Variants in TMTC1 observed in about 807,000 individuals in gnomAD.
TMTC1 encodes the protein protein O-mannosyl-transferase TMTC1.
A neutral mutation model predicts 104.8 loss-of-function variants in TMTC1; 73 were observed. The observed-to-expected ratio is 0.70, with a 90% CI of 0.58 to 0.85. TMTC1 has a LOEUF of 0.85. TMTC1 is among the 40% of genes least tolerant of loss of function. TMTC1 has a pLI of 0.00. For missense variants in TMTC1, 1,035 were observed against 1,096.1 expected (o/e 0.94, Z 0.79); for synonymous variants, 434 against 428.7 (o/e 1.01, Z -0.15).
At chr12:29,671,298 T>TTAAATAAATAAA (rs66951742) in intron 5 of TMTC1, among the ~76,000 whole-genome samples, 18 of 143,546 alleles carry the variant, frequency 1.3e-4, no homozygotes, top group Admixed American at 2.8e-4. Flanking sequence ...AGACTCCATC[T>TTAAATAAATAAA]TAAATAAATA....
At chr12:29,734,505 A>C (rs1221935591) in intron 5 of TMTC1, among the ~76,000 whole-genome samples, 1 of 152,240 alleles carries the variant, frequency 6.6e-6, no homozygotes, top group African/African-American at 2.4e-5. Context: ...ACCTGTGTCC[A>C]TAAGCCAGAC....
At position 29,514,610 on chromosome 12, in the gene TMTC1, G is replaced by A; in HGVS notation, c.2308-6C>T. Reference sequence around the variant, plus strand: ...TTGTCTATAGCATCAAGTGCCTGCAGAGGTTGGAAATTAAGACAGAATAAA... The same window carrying A: ...TTGTCTATAGCATCAAGTGCCTGCAAAGGTTGGAAATTAAGACAGAATAAA... On this transcript the variant is annotated splice_polypyrimidine_tract_variant and splice_region_variant and intron_variant, in intron 15 of 17. Coordinates refer to ENST00000539277, the MANE Select transcript of TMTC1 (RefSeq NM_001193451.2). The A allele has an allele frequency of 1.2e-6, 2 of 1,605,212 alleles. No homozygotes were observed. Among genetic ancestry groups the A allele is most frequent in the South Asian group, 2.2e-5 (2 of 89,748 alleles).
rs111390780 is a variant in TMTC1 at position 29,535,939 on chromosome 12, T to C, written c.1785+270A>G. The C allele has an allele frequency of 2.0e-3, 776 of 385,938 alleles. 9 individuals are homozygous for C. Among genetic ancestry groups the C allele is most frequent in the African/African-American group, 0.015 (714 of 46,804 alleles). 23.9% of individuals were successfully genotyped at this position (385,938 alleles called of 1,614,324 possible). ...GTGGTAATAAAAACATCAAATATCATGTATTGTTCTTGATAGATTCTGTAC... is the reference window on the plus strand; with the variant it reads ...GTGGTAATAAAAACATCAAATATCACGTATTGTTCTTGATAGATTCTGTAC... On this transcript the variant is annotated intron_variant, in intron 11 of 17. Coordinates refer to ENST00000539277, the MANE Select transcript of TMTC1 (RefSeq NM_001193451.2).
At chr12:29,745,723 C>T (rs1038199884) in intron 5 of TMTC1, among the ~76,000 whole-genome samples, 3 of 150,848 alleles carry the variant, frequency 2.0e-5, no homozygotes, top group South Asian at 2.1e-4. Context: ...TGTGTCTGAA[C>T]GACAGGACCC....
exon 18 of TMTC1, chr12:29,500,836 ATACT>A (rs2136111418): frequency 6.5e-6 from 1 of 152,770 alleles, no homozygotes; most frequent in East Asian, 1.9e-4. Flanking sequence ...GAAACCAGAC[ATACT>A]TATTTTAATC....
intron 1 of TMTC1, among the ~76,000 whole-genome samples, chr12:29,772,581 T>C (rs1371667487): frequency 6.6e-6 from 1 of 152,176 alleles, no homozygotes; most frequent in Admixed American, 6.6e-5. Flanking sequence ...CTGACCCTTT[T>C]AGCAATTTTC....
At chr12:29,768,479 C>T (rs1490375409) in intron 1 of TMTC1, among the ~76,000 whole-genome samples, 2 of 152,184 alleles carry the variant, frequency 1.3e-5, no homozygotes, top group Non-Finnish European at 2.9e-5. Flanking sequence ...GAGCCACATA[C>T]ACCGGAGATG....
chr12:29,645,235 T>C (rs1339537515), intron 5 of TMTC1, among the ~76,000 whole-genome samples: 1 of 152,222 alleles, frequency 6.6e-6, no homozygotes, highest in Admixed American at 6.5e-5. Flanking sequence ...CAATAAAAGA[T>C]ATCTGCTAGA....
At chr12:29,776,822 A>C (rs1943720255) in intron 1 of TMTC1, among the ~76,000 whole-genome samples, 1 of 152,230 alleles carries the variant, frequency 6.6e-6, no homozygotes, top group Non-Finnish European at 1.5e-5. Flanking sequence ...AAAGGTGGTG[A>C]GCACATAAGC....
chr12:29,511,984 CAG>C, intron 17 of TMTC1, 57 bp downstream of exon 17: 5 of 1,448,154 alleles, frequency 3.5e-6, no homozygotes, highest in Non-Finnish European at 4.9e-6. Context: ...AGAAAGAAGA[CAG>C]AGAGAGAAAA....
chr12:29,525,099 T>C (rs1396118733), intron 11 of TMTC1, among the ~76,000 whole-genome samples: 1 of 150,054 alleles, frequency 6.7e-6, no homozygotes, highest in Non-Finnish European at 1.5e-5. Context: ...AGTTGTGAGA[T>C]TATGAACCTA....
chr12:29,543,308 G>T (rs1325783924), intron 10 of TMTC1, among the ~76,000 whole-genome samples: 1 of 152,170 alleles, frequency 6.6e-6, no homozygotes, highest in East Asian at 1.9e-4. Flanking sequence ...TTTTCTTTTA[G>T]TAATTAAGTA....
In TMTC1 at chr12:29,616,187, AC is replaced by A. The variant is rs368136403; in HGVS notation, c.1129-11889del. On this transcript the variant is annotated intron_variant, in intron 6 of 17. Coordinates refer to ENST00000539277, the MANE Select transcript of TMTC1 (RefSeq NM_001193451.2). ...AACTGTAGAATCTTTATTTAGAGTA[AC>A]CTTACTTAATGGTCTGTATGATGCT... Among the ~76,000 whole-genome samples the A allele has an allele frequency of 1.7e-4, 26 of 152,336 alleles. No individual in the cohort carries two copies. In the East Asian group the frequency reaches 2.3e-3, roughly 14 times the overall value.
intron 5 of TMTC1, among the ~76,000 whole-genome samples, chr12:29,734,789 C>T (rs891930388): frequency 3.9e-5 from 6 of 152,076 alleles, no homozygotes; most frequent in African/African-American, 1.2e-4. Context: ...GAAGCTGTTA[C>T]GGTAAATATT....
chr12:29,749,247 C>CAT (rs58042052), intron 5 of TMTC1, among the ~76,000 whole-genome samples: 4 of 151,870 alleles, frequency 2.6e-5, no homozygotes, highest in Non-Finnish European at 4.4e-5. Context: ...CACACACACA[C>CAT]GTCTGAAAAG....
chr12:29,730,034 G>A (rs12300378), intron 5 of TMTC1, among the ~76,000 whole-genome samples: 24,084 of 152,114 alleles, frequency 0.16, 2,016 homozygotes, highest in East Asian at 0.23. Context: ...ACATGCCAAC[G>A]AGAACAAGGG....
At chr12:29,538,488 G>A (rs1261396684) in intron 10 of TMTC1, among the ~76,000 whole-genome samples, 2 of 151,964 alleles carry the variant, frequency 1.3e-5, no homozygotes, top group Non-Finnish European at 2.9e-5. Context: ...TGAAAATTAA[G>A]TCCCTTGGGA....
chr12:29,518,473 G>A lies in TMTC1; in HGVS notation c.2023C>T (p.Arg675Cys), dbSNP rs192684476. The A allele has an allele frequency of 9.7e-5, 156 of 1,612,756 alleles. 1 individual carries two copies. Among genetic ancestry groups the A allele is most frequent in the Middle Eastern group, 8.3e-4 (5 of 6,040 alleles). ...ENSMAEEWYK[R>C]ALQVAHKAEI... ...TAAAGAAAAGAAAGGGAACTTTACC[G>A]CTTGTACCATTCTTCAGCCATGCTG... Residue 675 changes from arginine (R) to cysteine (C), a missense_variant and splice_region_variant, in exon 13 of 18, where the codon CGC (arginine) becomes TGC (cysteine). Coordinates refer to ENST00000539277, the MANE Select transcript of TMTC1 (RefSeq NM_001193451.2).
chr12:29,779,241 A>G (rs1209583084), intron 1 of TMTC1, among the ~76,000 whole-genome samples: 1 of 152,238 alleles, frequency 6.6e-6, no homozygotes, highest in Non-Finnish European at 1.5e-5. Flanking sequence ...CAACATTCTG[A>G]ATGTGATCTT....
Sources: allele counts gnomAD v4.1 joint callset (sites outside exome capture counted in the v4.1 genomes callset), GRCh38; gene constraint gnomAD v4.1.1; transcripts MANE v1.5; gene names NCBI Gene and HGNC (gene_info 2026-07-23, HGNC 2026-07-21).